FER1L6: variants seen among roughly 807,000 people sequenced by gnomAD.
FER1L6 encodes the protein fer-1-like protein 6.
In FER1L6, 177 loss-of-function variants were observed where a neutral mutation model predicts 219.2. The observed-to-expected ratio is 0.81, with a 90% CI of 0.71 to 0.91. FER1L6 has a LOEUF of 0.91. FER1L6 is among the 40% of genes least tolerant of loss of function. The pLI is 0.00. For synonymous variants in FER1L6, 768 were observed against 824.3 expected (o/e 0.93, Z 1.17); for missense variants, 2,153 against 2,259.9 (o/e 0.95, Z 0.96).
rs1353684943 is a variant in FER1L6 at position 124,066,099 on chromosome 8, A to G, written c.3556-329A>G. Among the ~76,000 whole-genome samples, 8 of 152,350 alleles carry G rather than the reference A, an allele frequency of 5.3e-5. No homozygotes were observed. In the South Asian group the frequency reaches 1.2e-3, roughly 24 times the overall value. ...TGCCTTTTCTGCTATATTGCATTGCATCATGTAGTGTAGTTCTCATTTGTT... is the reference window on the plus strand; with the variant it reads ...TGCCTTTTCTGCTATATTGCATTGCGTCATGTAGTGTAGTTCTCATTTGTT... On this transcript the variant is annotated intron_variant, in intron 26 of 40. Coordinates refer to ENST00000522917, the MANE Select transcript of FER1L6 (RefSeq NM_001039112.2).
At chr8:123,975,403 C>A in intron 8 of FER1L6, 97 bp downstream of exon 8, 2 of 1,180,328 alleles carry the variant, frequency 1.7e-6, no homozygotes, top group South Asian at 1.6e-5. Flanking sequence ...TACATGAGAA[C>A]CATGCTTCTT....
chr8:123,992,087 T>A (rs1816886511), intron 12 of FER1L6, among the ~76,000 whole-genome samples: 1 of 152,184 alleles, frequency 6.6e-6, no homozygotes, highest in African/African-American at 2.4e-5. Flanking sequence ...GATGTGCTGT[T>A]GGATTTGGTT....
intron 1 of FER1L6, among the ~76,000 whole-genome samples, chr8:123,891,588 T>C (rs1812648738): frequency 6.6e-6 from 1 of 152,190 alleles, no homozygotes; most frequent in African/African-American, 2.4e-5. Flanking sequence ...CTGCAGGCAG[T>C]AACTCCCAAA....
chr8:123,903,950 A>C lies in FER1L6; in HGVS notation c.-8+51765A>C, dbSNP rs572159428. Among the ~76,000 whole-genome samples, 62 of 152,286 alleles carry C rather than the reference A, an allele frequency of 4.1e-4. 1 individual carries two copies. Among genetic ancestry groups the C allele is most frequent in the Admixed American group, 3.3e-3 (50 of 15,294 alleles). ...AACTTATCTTTTCTCCTACCTAAGC[A>C]CTTCTGCCAATCAAATCCTCCCCAC... On this transcript the variant is annotated intron_variant, in intron 1 of 40. Transcript: ENST00000522917.
chr8:123,890,625 ATTTTTTTT>A (rs59914385), intron 1 of FER1L6, among the ~76,000 whole-genome samples: 32 of 91,432 alleles, frequency 3.5e-4, no homozygotes, highest in South Asian at 4.3e-4. Flanking sequence ...TAAAAATTTG[ATTTTTTTT>A]TTTTTTTTTT....
At chr8:123,857,161 T>C (rs887891157) in intron 1 of FER1L6, among the ~76,000 whole-genome samples, 12 of 152,182 alleles carry the variant, frequency 7.9e-5, no homozygotes, top group African/African-American at 2.9e-4. Context: ...TTCTCTGTGA[T>C]TTTAGTTATT....
At chr8:124,038,079 A>T (rs1317284055) in intron 19 of FER1L6, among the ~76,000 whole-genome samples, 2 of 152,124 alleles carry the variant, frequency 1.3e-5, no homozygotes, top group African/African-American at 4.8e-5. Flanking sequence ...CAGGCCTCCT[A>T]GGTCCTCAGT....
At chr8:123,908,626 T>A (rs2129760308) in intron 1 of FER1L6, among the ~76,000 whole-genome samples, 1 of 152,350 alleles carries the variant, frequency 6.6e-6, no homozygotes, top group East Asian at 1.9e-4. Flanking sequence ...TGATATTTAC[T>A]AAGTGTAAGG....
chr8:124,097,838 A>G lies in FER1L6; in HGVS notation c.4838A>G (p.Glu1613Gly). 1 of 1,607,934 alleles carries G rather than the reference A, an allele frequency of 6.2e-7. No homozygotes were observed. ...WNTEDVILED[E>G]NIFTGQKSSD... ...ACTGAAGATGTCATTTTAGAGGATGAGAATATCTTCACAGGCCAAAAATCA... is the reference window on the plus strand; with the variant it reads ...ACTGAAGATGTCATTTTAGAGGATGGGAATATCTTCACAGGCCAAAAATCA... The change falls in exon 37 of 41, where the codon GAG becomes GGG. Residue 1613 changes from glutamate (E) to glycine (G), a missense_variant. Glu to Gly is a moderately conservative substitution (Grantham distance 98). Transcript: ENST00000522917.
At chr8:124,001,769 C>G (rs955712275) in intron 12 of FER1L6, among the ~76,000 whole-genome samples, 1 of 152,166 alleles carries the variant, frequency 6.6e-6, no homozygotes, top group African/African-American at 2.4e-5. Flanking sequence ...GTTTATTCCA[C>G]GACCAGTGGA....
chr8:124,030,230 C>G (rs150634955), intron 18 of FER1L6, among the ~76,000 whole-genome samples: 217 of 152,298 alleles, frequency 1.4e-3, no homozygotes, highest in African/African-American at 4.6e-3. Flanking sequence ...TAGGAAACTT[C>G]TCTTCCTGGA....
intron 22 of FER1L6, among the ~76,000 whole-genome samples, chr8:124,058,635 C>T (rs1188937789): frequency 6.6e-6 from 1 of 152,156 alleles, no homozygotes; most frequent in African/African-American, 2.4e-5. Context: ...ACTTCAGGAG[C>T]CCCAGGATAA....
chr8:124,028,702 T>C (rs146918749), intron 18 of FER1L6, among the ~76,000 whole-genome samples: 27 of 152,346 alleles, frequency 1.8e-4, no homozygotes, highest in African/African-American at 6.5e-4. Flanking sequence ...ACTCTTGCAG[T>C]GTCACAGTGC....
At chr8:124,102,636 C>T (rs185874673) in intron 38 of FER1L6, among the ~76,000 whole-genome samples, 95 of 152,304 alleles carry the variant, frequency 6.2e-4, no homozygotes, top group African/African-American at 2.2e-3. Flanking sequence ...TGTGTTCCCT[C>T]GTTGGAAAAA....
intron 1 of FER1L6, among the ~76,000 whole-genome samples, chr8:123,899,762 C>T (rs11775131): frequency 6.6e-6 from 1 of 151,910 alleles, no homozygotes; most frequent in Non-Finnish European, 1.5e-5. Context: ...AAAAAGTGTC[C>T]TTTCTCCACT....
At chr8:123,972,274 C>G (rs1217442603) in intron 6 of FER1L6, among the ~76,000 whole-genome samples, 1 of 152,180 alleles carries the variant, frequency 6.6e-6, no homozygotes, top group African/African-American at 2.4e-5. Flanking sequence ...TCTTTTGCTT[C>G]GCAAAAAGGA....
intron 21 of FER1L6, among the ~76,000 whole-genome samples, chr8:124,048,493 C>G (rs1035926721): frequency 6.6e-6 from 1 of 152,032 alleles, no homozygotes; most frequent in Admixed American, 6.6e-5. Flanking sequence ...GCAAAAGAGG[C>G]AGGAAGCAGA....
At chr8:124,113,153 G>A (rs752791140) in intron 39 of FER1L6, among the ~76,000 whole-genome samples, 1 of 151,966 alleles carries the variant, frequency 6.6e-6, no homozygotes, top group Non-Finnish European at 1.5e-5. Context: ...AAATAAAAAT[G>A]CCAGTTTAAT....
At chr8:123,859,130 G>C (rs1816700610) in intron 1 of FER1L6, among the ~76,000 whole-genome samples, 1 of 152,002 alleles carries the variant, frequency 6.6e-6, no homozygotes, top group African/African-American at 2.4e-5. Context: ...CTGCAGAGTA[G>C]CTGGGACCAC....
Sources: allele counts gnomAD v4.1 joint callset (sites outside exome capture counted in the v4.1 genomes callset), GRCh38; gene constraint gnomAD v4.1.1; transcripts MANE v1.5; gene names NCBI Gene and HGNC (gene_info 2026-07-23, HGNC 2026-07-21).